The following DCST1 variants were observed in gnomAD, a reference collection of about 807,000 sequenced individuals.
The protein encoded by DCST1 is E3 ubiquitin-protein ligase DCST1.
DCST1 carries 78 observed loss-of-function variants against 89.1 expected under a neutral mutation model. The ratio of observed to expected loss-of-function variants is 0.88; its 90% CI spans 0.73 to 1.06. The LOEUF (loss-of-function observed/expected upper bound fraction) is 1.06, where lower values mean the gene tolerates loss of function less well. Ranked by LOEUF, DCST1 falls within the 50% of genes least tolerant of loss-of-function variation. DCST1 has a pLI of 0.00. For missense variants in DCST1, 900 were observed against 928.6 expected, an observed-to-expected ratio of 0.97 and a Z score of 0.40; for synonymous variants, 364 against 371.9, an observed-to-expected ratio of 0.98 and a Z score of 0.24.
intron 4 of DCST1, among the ~76,000 whole-genome samples, chr1:155,036,047 C>CAAAAAAAAAAAAAAAAAAAAAAAAAAA (rs11445380): frequency 1.4e-5 from 1 of 71,246 alleles, no homozygotes; most frequent in Non-Finnish European, 2.7e-5. Context: ...AACTCTGTCT[C>CAAAAAAAAAAAAAAAAAAAAAAAAAAA]AAAAAAAAAA....
At position 155,050,897 on chromosome 1, in the gene DCST1, G is replaced by A. The variant is rs1458234323; in HGVS notation, c.*29G>A. 1 of 1,598,300 alleles carries A rather than the reference G, an allele frequency of 6.3e-7. No individual in the cohort carries two copies. The highest frequency in any genetic ancestry group is 1.7e-5 in the Admixed American group (1 of 59,632). ...GGCGTCCTGCTCGCTCTTCCGCACC[G>A]TCCTTCCCGGTTAATAAAATGCCCT... On this transcript the variant is annotated 3_prime_UTR_variant, in exon 17 of 17. Coordinates refer to ENST00000295542, the MANE Select transcript of DCST1 (RefSeq NM_152494.4).
chr1:155,037,524 A>G (rs575342222), intron 4 of DCST1, among the ~76,000 whole-genome samples: 19 of 149,034 alleles, frequency 1.3e-4, no homozygotes, highest in Non-Finnish European at 2.1e-4. Flanking sequence ...GCTCACTGCA[A>G]TCTCCGCCTC....
Position 155,041,624 on chromosome 1 carries a change from T to C in DCST1, c.748+11T>C. 1.2e-6 allele frequency: 2 copies of C among 1,605,372 alleles called. No homozygotes were observed. The highest frequency in any genetic ancestry group is 8.5e-7 in the Non-Finnish European group (1 of 1,172,624). On this transcript the variant is annotated intron_variant, in intron 7 of 16. Coordinates refer to ENST00000295542, the MANE Select transcript of DCST1 (RefSeq NM_152494.4). ...AGCTGCGTTGCTCCTGTGAGGGGTATCCCTGGGGAGTGGAGGGTGGGGTGG... is the reference window on the plus strand; with the variant it reads ...AGCTGCGTTGCTCCTGTGAGGGGTACCCCTGGGGAGTGGAGGGTGGGGTGG...
intron 4 of DCST1, among the ~76,000 whole-genome samples, chr1:155,038,235 C>T (rs1660331738): frequency 6.6e-6 from 1 of 152,202 alleles, no homozygotes; most frequent in Non-Finnish European, 1.5e-5. Context: ...TGTGGGTAGA[C>T]ATGGTGGGTG....
chr1:155,049,392 C>T (rs1190145888), intron 16 of DCST1: 3 of 298,788 alleles, frequency 1.0e-5, no homozygotes, highest in Non-Finnish European at 1.8e-5. Flanking sequence ...ATAACACTAT[C>T]TGCCTTACAT....
chr1:155,040,956 G>T (rs1660421257), intron 6 of DCST1, among the ~76,000 whole-genome samples: 1 of 152,138 alleles, frequency 6.6e-6, no homozygotes, highest in South Asian at 2.1e-4. Flanking sequence ...CAAGAATTGG[G>T]TATTGGAAGG....
intron 14 of DCST1, 38 bp downstream of exon 14, chr1:155,047,350 G>T: frequency 6.4e-7 from 1 of 1,570,234 alleles, no homozygotes; most frequent in African/African-American, 1.3e-5. Context: ...AGGAATCGAG[G>T]GCGGTGGGGC....
chr1:155,046,541 C>A (rs1660636684), intron 13 of DCST1, 55 bp downstream of exon 13: 15 of 1,595,816 alleles, frequency 9.4e-6, no homozygotes, highest in African/African-American at 2.7e-5. Flanking sequence ...CTGGAGAACT[C>A]CAATGCCTGC....
At chr1:155,050,568 T>C (rs1660888886) in intron 16 of DCST1, 49 bp from the exon 17 acceptor site, 1 of 1,515,550 alleles carries the variant, frequency 6.6e-7, no homozygotes, top group Non-Finnish European at 8.8e-7. Context: ...CAGTTCCCCT[T>C]CTTTCCCGCC....
chr1:155,034,260 C>T (rs1660196550), intron 2 of DCST1, 163 bp downstream of exon 2: 2 of 1,558,216 alleles, frequency 1.3e-6, no homozygotes, highest in African/African-American at 1.4e-5. Context: ...CTTTGCTGTC[C>T]CTTACACCCA....
chr1:155,047,977 C>A (rs768161599), intron 15 of DCST1, 48 bp downstream of exon 15: 2 of 1,613,504 alleles, frequency 1.2e-6, no homozygotes, highest in Non-Finnish European at 1.7e-6. Flanking sequence ...TGCACACACA[C>A]ACACACACCA....
Position 155,047,236 on chromosome 1 carries a change from G to C in DCST1, c.1536G>C (p.Met512Ile), listed in dbSNP as rs1660679365. ...KLEVKVGGDS[M>I]LARLLRKTIG... Reference sequence around the variant, plus strand: ...AGGTGAAGGTCGGGGGAGACTCCATGCTAGCCCGGCTTCTTCGAAAAACCA... The same window carrying C: ...AGGTGAAGGTCGGGGGAGACTCCATCCTAGCCCGGCTTCTTCGAAAAACCA... The change falls in exon 14 of 17, where the codon ATG becomes ATC. Residue 512 changes from methionine (M) to isoleucine (I), a missense_variant. By Grantham distance (10) the Met-to-Ile change is conservative. Transcript: ENST00000295542. 2 of 1,614,200 alleles carry C rather than the reference G, an allele frequency of 1.2e-6. No homozygotes were observed. Among genetic ancestry groups the C allele is most frequent in the Non-Finnish European group, 1.7e-6 (2 of 1,180,032 alleles).
chr1:155,050,576 G>T, intron 16 of DCST1, 41 bp from the exon 17 acceptor site: 2 of 1,527,072 alleles, frequency 1.3e-6, no homozygotes, highest in Admixed American at 1.9e-5. Flanking sequence ...CTTCTTTCCC[G>T]CCTCGCTCCC....
chr1:155,048,981 C>A, intron 16 of DCST1: 1 of 716,272 alleles, frequency 1.4e-6, no homozygotes, highest in South Asian at 1.5e-5. Context: ...TAAGTTGTGT[C>A]ACCTTGGCCA....
chr1:155,049,883 T>A (rs1290704397), intron 16 of DCST1, among the ~76,000 whole-genome samples: 1 of 152,200 alleles, frequency 6.6e-6, no homozygotes, highest in African/African-American at 2.4e-5. Context: ...CAGACAGTCA[T>A]TCCAAGCAGA....
Position 155,050,909 on chromosome 1 carries a change from T to C in DCST1, c.*41T>C. 1 of 1,594,522 alleles carries C rather than the reference T, an allele frequency of 6.3e-7. No individual in the cohort carries two copies. The highest frequency in any genetic ancestry group is 8.6e-7 in the Non-Finnish European group (1 of 1,166,176). The stretch of plus-strand genomic sequence containing the variant: ...GCTCTTCCGCACCGTCCTTCCCGGT[T>C]AATAAAATGCCCTGTACGCTTCACG... On this transcript the variant is annotated 3_prime_UTR_variant, in exon 17 of 17. Coordinates refer to ENST00000295542, the MANE Select transcript of DCST1 (RefSeq NM_152494.4).
intron 6 of DCST1, among the ~76,000 whole-genome samples, chr1:155,040,959 T>C (rs1660421313): frequency 6.6e-6 from 1 of 152,004 alleles, no homozygotes; most frequent in Non-Finnish European, 1.5e-5. Context: ...GAATTGGGTA[T>C]TGGAAGGCTG....
intron 13 of DCST1, among the ~76,000 whole-genome samples, chr1:155,046,766 C>G (rs1406184788): frequency 1.3e-5 from 2 of 151,930 alleles, no homozygotes; most frequent in African/African-American, 4.8e-5. Context: ...CCACCACGGC[C>G]AGCTAATTTT....
rs752474273 is a variant in DCST1 at position 155,034,505 on chromosome 1, G to A, written c.132G>A (p.Glu44=). Reference sequence around the variant, plus strand: ...GGTTCCTGTGGCGCCAGCCGGGCGAGTTTCCTGTCACTGCTCTCCTGCTGG... The same window carrying A: ...GGTTCCTGTGGCGCCAGCCGGGCGAATTTCCTGTCACTGCTCTCCTGCTGG... ...CSWFLWRQPG[E]FPVTALLLGA... is the part of the protein sequence containing the mutation. Residue 44 remains glutamate, a synonymous_variant, in exon 3 of 17, where the codon GAG becomes GAA. Coordinates refer to ENST00000295542, the MANE Select transcript of DCST1 (RefSeq NM_152494.4). 6.2e-6 allele frequency: 10 copies of A among 1,613,566 alleles called. No individual in the cohort carries two copies. Among genetic ancestry groups the A allele is most frequent in the South Asian group, 5.5e-5 (5 of 91,062 alleles).
Sources: allele counts gnomAD v4.1 joint callset (sites outside exome capture counted in the v4.1 genomes callset), GRCh38; gene constraint gnomAD v4.1.1; transcripts MANE v1.5; gene names NCBI Gene and HGNC (gene_info 2026-07-23, HGNC 2026-07-21).